XYLT1: variants seen among roughly 807,000 people sequenced by gnomAD.
The protein encoded by XYLT1 is xylosyltransferase 1.
A neutral mutation model predicts 91.3 loss-of-function variants in XYLT1; 36 were observed. That is an observed-to-expected ratio of 0.39 (90% CI 0.30 to 0.52). XYLT1 has a LOEUF of 0.52. Ranked by LOEUF, XYLT1 falls within the 20% of genes least tolerant of loss-of-function variation. XYLT1 has a pLI of 0.68. For synonymous variants in XYLT1, 588 were observed against 532.0 expected, an observed-to-expected ratio of 1.11 and a Z score of -1.45; for missense variants, 1,242 against 1,284.5, an observed-to-expected ratio of 0.97 and a Z score of 0.51.
intron 1 of XYLT1, among the ~76,000 whole-genome samples, chr16:17,408,571 G>A (rs1022000437): frequency 5.9e-5 from 9 of 152,182 alleles, no homozygotes; most frequent in Non-Finnish European, 1.0e-4. Context: ...ATAGGCCGGG[G>A]ATGGTGGCTT....
chr16:17,412,893 T>C (rs561225893), intron 1 of XYLT1, among the ~76,000 whole-genome samples: 1 of 152,178 alleles, frequency 6.6e-6, no homozygotes, highest in African/African-American at 2.4e-5. Context: ...ACTGGTCAAA[T>C]CCTGAACCTG....
At position 17,344,563 on chromosome 16, in the gene XYLT1, T is replaced by C. The variant is rs2141850070; in HGVS notation, c.402+13449A>G. On this transcript the variant is annotated intron_variant, in intron 2 of 11. Coordinates refer to ENST00000261381, the MANE Select transcript of XYLT1 (RefSeq NM_022166.4). Reference sequence around the variant, plus strand: ...CCCAGATCAAGTGACCCCAGGTTAGTCAGTCCACAGGGTAAACAAGGTTGC... The same window carrying C: ...CCCAGATCAAGTGACCCCAGGTTAGCCAGTCCACAGGGTAAACAAGGTTGC... Among the ~76,000 whole-genome samples the C allele has an allele frequency of 2.0e-5, 3 of 151,548 alleles. No homozygotes were observed. In the South Asian group the frequency reaches 6.3e-4, roughly 32 times the overall value.
At chr16:17,242,220 G>A (rs1052625246) in intron 3 of XYLT1, among the ~76,000 whole-genome samples, 1 of 152,288 alleles carries the variant, frequency 6.6e-6, no homozygotes, top group African/African-American at 2.4e-5. Flanking sequence ...TTATGGTCTT[G>A]GGCCAAACCC....
At position 17,421,237 on chromosome 16, in the gene XYLT1, AAGAT is replaced by A. The variant is rs555378519; in HGVS notation, c.363+49193_363+49196del. ...TTTTTATGGGATTCTAAGGCAGTCT[AAGAT>A]AGGAGAATCACTACAAGGCTCCTGA... On this transcript the variant is annotated intron_variant, in intron 1 of 11. Coordinates refer to ENST00000261381, the MANE Select transcript of XYLT1 (RefSeq NM_022166.4). 1.9e-4 allele frequency among the ~76,000 whole-genome samples: 29 copies of A among 152,318 alleles called. No homozygotes were observed. In the South Asian group the frequency reaches 5.2e-3, roughly 27 times the overall value.
chr16:17,325,237 A>G (rs1241452350), intron 2 of XYLT1, among the ~76,000 whole-genome samples: 1 of 152,120 alleles, frequency 6.6e-6, no homozygotes, highest in Admixed American at 6.5e-5. Context: ...GTCTCTACTA[A>G]AAATACAAAA....
chr16:17,286,445 C>T (rs963999800), intron 2 of XYLT1, among the ~76,000 whole-genome samples: 1 of 152,198 alleles, frequency 6.6e-6, no homozygotes, highest in Non-Finnish European at 1.5e-5. Context: ...TCCTTGTCAT[C>T]CCAAACCATT....
intron 1 of XYLT1, among the ~76,000 whole-genome samples, chr16:17,433,969 C>A (rs767571750): frequency 2.0e-5 from 3 of 151,364 alleles, no homozygotes; most frequent in Non-Finnish European, 4.4e-5. Flanking sequence ...CTGATCCTTT[C>A]GAGAAATCCA....
intron 1 of XYLT1, among the ~76,000 whole-genome samples, chr16:17,435,974 C>T (rs1057274681): frequency 6.6e-6 from 1 of 152,140 alleles, no homozygotes; most frequent in African/African-American, 2.4e-5. Context: ...TGTAATAATC[C>T]CCACATGCCA....
chr16:17,458,077 T>G (rs1300808201), intron 1 of XYLT1, among the ~76,000 whole-genome samples: 1 of 152,232 alleles, frequency 6.6e-6, no homozygotes, highest in Non-Finnish European at 1.5e-5. Flanking sequence ...AACATTTGTT[T>G]ATTTTATGAA....
chr16:17,211,998 T>C (rs1385431280), intron 3 of XYLT1, among the ~76,000 whole-genome samples: 1 of 152,212 alleles, frequency 6.6e-6, no homozygotes, highest in African/African-American at 2.4e-5. Context: ...CATTCATTGA[T>C]GTGTGTCCCC....
chr16:17,139,459 C>T (rs779940184), intron 7 of XYLT1, among the ~76,000 whole-genome samples: 12 of 152,114 alleles, frequency 7.9e-5, no homozygotes, highest in African/African-American at 1.2e-4. Flanking sequence ...AGCACACACA[C>T]GGAGCTTTGG....
intron 3 of XYLT1, among the ~76,000 whole-genome samples, chr16:17,240,844 C>T (rs756944539): frequency 9.9e-5 from 15 of 152,104 alleles, no homozygotes; most frequent in South Asian, 2.1e-4. Flanking sequence ...ATTTTAGAGA[C>T]GGGGAAAAAT....
chr16:17,200,483 T>C lies in XYLT1; in HGVS notation c.1085A>G (p.Lys362Arg), dbSNP rs1275759959. 6.2e-7 allele frequency: 1 copy of C among 1,612,336 alleles called. No homozygotes were observed. Among genetic ancestry groups the C allele is most frequent in the South Asian group, 1.1e-5 (1 of 91,036 alleles). ...KDHFYYIHVD[K>R]RSNYLHRQVL... ...GGGGTGATCACAGAGGCCTCTCACC[T>C]TGTCCACGTGGATGTAGTAGAAGTG... The change falls in exon 4 of 12, where the codon AAG (lysine) becomes AGG (arginine). Residue 362 changes from lysine (K) to arginine (R), a missense_variant and splice_region_variant. Lys to Arg is a conservative substitution (Grantham distance 26). Transcript: ENST00000261381.
intron 2 of XYLT1, 120 bp from the exon 3 acceptor site, chr16:17,259,618 C>T: frequency 8.2e-7 from 1 of 1,212,820 alleles, no homozygotes; most frequent in Non-Finnish European, 1.1e-6. Context: ...TCACATCCTA[C>T]TTTTGCTACT....
chr16:17,179,280 T>C (rs1016079028), intron 5 of XYLT1, among the ~76,000 whole-genome samples: 1 of 152,054 alleles, frequency 6.6e-6, no homozygotes, highest in African/African-American at 2.4e-5. Flanking sequence ...AGGTACTCCA[T>C]TTATCACCTG....
intron 5 of XYLT1, among the ~76,000 whole-genome samples, chr16:17,173,334 G>A (rs1287509467): frequency 6.6e-6 from 1 of 152,248 alleles, no homozygotes; most frequent in Non-Finnish European, 1.5e-5. Flanking sequence ...TGTTTCAGAT[G>A]CTGGAGAAAC....
At chr16:17,236,122 T>C (rs944361202) in intron 3 of XYLT1, among the ~76,000 whole-genome samples, 3 of 152,172 alleles carry the variant, frequency 2.0e-5, no homozygotes, top group Non-Finnish European at 4.4e-5. Context: ...AGCATGGCCA[T>C]GTGTGGCCCT....
chr16:17,137,992 A>C (rs1245402258), intron 8 of XYLT1, among the ~76,000 whole-genome samples: 1 of 152,016 alleles, frequency 6.6e-6, no homozygotes, highest in Non-Finnish European at 1.5e-5. Context: ...CTGGGTACAA[A>C]TGTAACAAAT....
intron 2 of XYLT1, among the ~76,000 whole-genome samples, chr16:17,282,966 C>G (rs1042922234): frequency 2.6e-5 from 4 of 152,078 alleles, no homozygotes; most frequent in Admixed American, 2.0e-4. Context: ...AGTCACCCCC[C>G]CCAAGTCACA....
Sources: allele counts gnomAD v4.1 joint callset (sites outside exome capture counted in the v4.1 genomes callset), GRCh38; gene constraint gnomAD v4.1.1; transcripts MANE v1.5; gene names NCBI Gene and HGNC (gene_info 2026-07-23, HGNC 2026-07-21).